TMEM39B: variants seen among roughly 807,000 people sequenced by gnomAD.
TMEM39B encodes the protein transmembrane protein 39B.
Under a neutral mutation model 52.2 loss-of-function variants are expected in TMEM39B, and 23 were observed. The observed-to-expected ratio is 0.44, with a 90% CI of 0.32 to 0.62. The LOEUF is 0.62. TMEM39B is among the 20% of genes least tolerant of loss of function. The pLI, the probability that TMEM39B is intolerant of heterozygous loss-of-function variation, is 0.06. For synonymous variants in TMEM39B, 285 were observed against 264.0 expected (o/e 1.08, Z -0.77); for missense variants, 547 against 642.0 (o/e 0.85, Z 1.60).
chr1:32,079,206 A>G (rs1443378528), intron 5 of TMEM39B, among the ~76,000 whole-genome samples: 14 of 125,782 alleles, frequency 1.1e-4, no homozygotes, highest in Middle Eastern at 0.01. Flanking sequence ...TTTTTTTGAG[A>G]TGGAGTCTCG....
intron 1 of TMEM39B, 100 bp downstream of exon 1, chr1:32,073,151 A>G (rs1639704813): frequency 1.5e-6 from 2 of 1,323,254 alleles, no homozygotes; most frequent in Non-Finnish European, 2.0e-6. Context: ...GAGCCCGGTG[A>G]CGGGAGGGGG....
chr1:32,091,712 G>A lies in TMEM39B; in HGVS notation c.628G>A (p.Asp210Asn), dbSNP rs1200586587. 3.1e-6 allele frequency: 5 copies of A among 1,611,616 alleles called. No homozygotes were observed. The highest frequency in any genetic ancestry group is 2.7e-5 in the African/African-American group (2 of 74,898). Residue 210 changes from aspartate (D) to asparagine (N), a missense_variant, in exon 6 of 9, where the codon GAC becomes AAC. Asp to Asn is a conservative substitution (Grantham distance 23). Transcript: ENST00000336294. Reference sequence around the variant, plus strand: ...CATTCCGTTCCTGCAGCTGAATTGCGACCTCCGCAAGACAAGCCTCTTCAA... The same window carrying A: ...CATTCCGTTCCTGCAGCTGAATTGCAACCTCCGCAAGACAAGCCTCTTCAA... ...MYIPFLQLNC[D>N]LRKTSLFNHM...
At position 32,074,995 on chromosome 1, in the gene TMEM39B, C is replaced by T; in HGVS notation, c.49C>T (p.Leu17Phe). The T allele has an allele frequency of 6.4e-7, 1 of 1,551,640 alleles. No homozygotes were observed. The stretch of plus-strand genomic sequence containing the variant: ...CAGGACATCTTACTGTCGAAATCCG[C>T]TCTGTGAGCCGGGATCCTCGGGGGG... ...PNRTSYCRNP[L>F]CEPGSSGGSS... The change falls in exon 2 of 9, where the codon CTC becomes TTC. Residue 17 changes from leucine (L) to phenylalanine (F), a missense_variant. Leu to Phe is a conservative substitution (Grantham distance 22). Coordinates refer to ENST00000336294, the MANE Select transcript of TMEM39B (RefSeq NM_018056.4).
chr1:32,091,910 G>A lies in TMEM39B; in HGVS notation c.826G>A (p.Glu276Lys), dbSNP rs757446107. 4 of 1,614,116 alleles carry A rather than the reference G, an allele frequency of 2.5e-6. No homozygotes were observed. Among genetic ancestry groups the A allele is most frequent in the Non-Finnish European group, 3.4e-6 (4 of 1,180,042 alleles). ...LSPSLIRSEV[E>K]FLKMDFNWRM... is the part of the protein sequence containing the mutation. ...ACCCAGCCTCATCCGCAGTGAGGTG[G>A]AGTTCCTCAAGATGGACTTCAACTG... The change falls in exon 6 of 9, where the codon GAG (glutamate) becomes AAG (lysine). Residue 276 changes from glutamate to lysine, a missense_variant. Physicochemically the swap from Glu to Lys is moderately conservative, Grantham distance 56. Transcript: ENST00000336294.
intron 6 of TMEM39B, among the ~76,000 whole-genome samples, chr1:32,093,540 T>C (rs1640691547): frequency 6.7e-6 from 1 of 150,374 alleles, no homozygotes; most frequent in African/African-American, 2.5e-5. Context: ...GCCTCCTGAA[T>C]GTCTGGGACT....
chr1:32,083,994 GAC>G (rs59029097), intron 5 of TMEM39B, among the ~76,000 whole-genome samples: 30 of 150,452 alleles, frequency 2.0e-4, no homozygotes, highest in Admixed American at 4.0e-4. Flanking sequence ...CAGACACACA[GAC>G]ACACACACAC....
chr1:32,077,041 C>T, intron 4 of TMEM39B, 123 bp from the exon 5 acceptor site: 7 of 1,415,406 alleles, frequency 4.9e-6, no homozygotes, highest in Non-Finnish European at 6.8e-6. Context: ...TTGCCAGGTT[C>T]TGCCCAGCCT....
At chr1:32,087,480 A>C (rs1640407300) in intron 5 of TMEM39B, 1 of 148,492 alleles carries the variant, frequency 6.7e-6, no homozygotes. Flanking sequence ...AAAATTAGCC[A>C]GGCGTGGTGG....
At position 32,099,476 on chromosome 1, in the gene TMEM39B, A is replaced by G. The variant is rs150399854; in HGVS notation, c.1116-966A>G. Among the ~76,000 whole-genome samples the G allele has an allele frequency of 3.7e-4, 56 of 152,276 alleles. No individual in the cohort carries two copies. In the East Asian group the frequency reaches 0.01, roughly 27 times the overall value. Reference sequence around the variant, plus strand: ...GAACTTAAAGTTTTTTTAAAAAAATAAAAGGATGTCAAACTCTAGGGAGTT... The same window carrying G: ...GAACTTAAAGTTTTTTTAAAAAAATGAAAGGATGTCAAACTCTAGGGAGTT... On this transcript the variant is annotated intron_variant, in intron 7 of 8. Transcript: ENST00000336294.
chr1:32,076,782 T>A lies in TMEM39B; in HGVS notation c.371T>A (p.Phe124Tyr). The change falls in exon 4 of 9, where the codon TTC (phenylalanine) becomes TAC (tyrosine). Residue 124 changes from phenylalanine to tyrosine, a missense_variant. By Grantham distance (22) the Phe-to-Tyr change is conservative (BLOSUM62 3). Transcript: ENST00000336294. ...TGACAGAACTTCCATCTGATCGACTTCAACTTGCTGATGGTGACCACCATC... is the reference window on the plus strand; with the variant it reads ...TGACAGAACTTCCATCTGATCGACTACAACTTGCTGATGGTGACCACCATC... The part of the protein sequence containing the change: ...HTSLNFHLID[F>Y]NLLMVTTIVL... 6.2e-7 allele frequency: 1 copy of A among 1,613,972 alleles called. No individual in the cohort carries two copies. The highest frequency in any genetic ancestry group is 8.5e-7 in the Non-Finnish European group (1 of 1,179,978).
chr1:32,092,862 A>G (rs1317121678), intron 6 of TMEM39B, among the ~76,000 whole-genome samples: 6 of 152,348 alleles, frequency 3.9e-5, no homozygotes, highest in East Asian at 1.9e-4. Context: ...CACCCAGCCA[A>G]TGAGGGAGAC....
chr1:32,076,406 C>G (rs1025638311), intron 3 of TMEM39B, among the ~76,000 whole-genome samples: 3 of 152,106 alleles, frequency 2.0e-5, no homozygotes, highest in East Asian at 1.9e-4. Flanking sequence ...CCACCGCGCC[C>G]GGCCAGGAGC....
At chr1:32,073,724 C>G in intron 1 of TMEM39B, 1 of 985,192 alleles carries the variant, frequency 1.0e-6, no homozygotes, top group Middle Eastern at 5.2e-4. Flanking sequence ...AGCTCTTCGC[C>G]AGGTACTTTT....
rs573351955 is a variant in TMEM39B at position 32,082,899 on chromosome 1, C to T, written c.590+5581C>T. ...ACGCCATTCTCCAGCCTCAGCCTCCCGAGTAGCTGGGACTACAGGCACCCG... is the reference window on the plus strand; with the variant it reads ...ACGCCATTCTCCAGCCTCAGCCTCCTGAGTAGCTGGGACTACAGGCACCCG... On this transcript the variant is annotated intron_variant, in intron 5 of 8. Transcript: ENST00000336294. Among the ~76,000 whole-genome samples the T allele has an allele frequency of 2.0e-5, 3 of 151,998 alleles. No individual in the cohort carries two copies. The East Asian group carries it at 5.8e-4, about 29-fold the overall frequency.
chr1:32,075,334 A>G (rs1639808738), intron 2 of TMEM39B, among the ~76,000 whole-genome samples: 1 of 152,206 alleles, frequency 6.6e-6, no homozygotes, highest in Admixed American at 6.5e-5. Flanking sequence ...GGCTTGGACA[A>G]GTTGCCTCCC....
chr1:32,083,267 G>A (rs1321149291), intron 5 of TMEM39B, among the ~76,000 whole-genome samples: 1 of 149,614 alleles, frequency 6.7e-6, no homozygotes, highest in Non-Finnish European at 1.5e-5. Flanking sequence ...ATTTTCCGTA[G>A]AGATGGGGTT....
intron 8 of TMEM39B, chr1:32,100,810 G>A: frequency 2.2e-6 from 1 of 459,244 alleles, no homozygotes; most frequent in East Asian, 4.6e-5. Flanking sequence ...CAGATCACCT[G>A]AGGTCAGGAG....
At chr1:32,090,354 T>C (rs1232112504) in intron 5 of TMEM39B, among the ~76,000 whole-genome samples, 1 of 152,174 alleles carries the variant, frequency 6.6e-6, no homozygotes, top group Non-Finnish European at 1.5e-5. Context: ...GCCTGGTACG[T>C]AATAAACACA....
chr1:32,101,206 T>TA (rs2124507556), intron 8 of TMEM39B, among the ~76,000 whole-genome samples: 2 of 152,268 alleles, frequency 1.3e-5, no homozygotes, highest in East Asian at 3.9e-4. Context: ...TGTACCTTCC[T>TA]ACTCAGCCTT....
Sources: allele counts gnomAD v4.1 joint callset (sites outside exome capture counted in the v4.1 genomes callset), GRCh38; gene constraint gnomAD v4.1.1; transcripts MANE v1.5; gene names NCBI Gene and HGNC (gene_info 2026-07-23, HGNC 2026-07-21).